Variants in MSTO1 observed in about 807,000 individuals in gnomAD.
MSTO1 encodes the protein protein misato homolog 1.
A neutral mutation model predicts 55.7 loss-of-function variants in MSTO1; 24 were observed. The observed-to-expected ratio is 0.43, with a 90% confidence interval of 0.31 to 0.61. The LOEUF (loss-of-function observed/expected upper bound fraction) is 0.61, where lower values mean the gene tolerates loss of function less well. MSTO1 is among the 20% of genes least tolerant of loss of function. The probability of loss-of-function intolerance (pLI) is 0.09; values close to 1 mark genes in which losing one functional copy is unlikely to be tolerated. For missense variants in MSTO1, 363 were observed against 625.7 expected, an observed-to-expected ratio of 0.58 and a Z score of 4.48; for synonymous variants, 162 against 252.8, an observed-to-expected ratio of 0.64 and a Z score of 3.41.
chr1:155,609,975 G>A (rs952000413), upstream of MSTO1: 4 of 473,866 alleles, frequency 8.4e-6, no homozygotes, highest in South Asian at 2.8e-5. Flanking sequence ...AGTCAGCGGC[G>A]GAGACGGCGC....
the MSTO1 span, among the ~76,000 whole-genome samples, chr1:155,593,333 C>T: frequency 6.6e-6 from 1 of 152,134 alleles, no homozygotes; most frequent in African/African-American, 2.4e-5. Context: ...GAAGGAGATA[C>T]GAAAATGAAT....
upstream of MSTO1, among the ~76,000 whole-genome samples, chr1:155,606,986 C>T (rs1672945905): frequency 6.6e-6 from 1 of 151,730 alleles, no homozygotes; most frequent in Non-Finnish European, 1.5e-5. Context: ...AGGCACGCGC[C>T]ACCTCGTCCT....
the MSTO1 span, among the ~76,000 whole-genome samples, chr1:155,589,027 G>A: frequency 6.6e-6 from 1 of 152,170 alleles, no homozygotes; most frequent in Non-Finnish European, 1.5e-5. Context: ...GCCGGGCACG[G>A]TAGCTCATGC....
chr1:155,578,504 A>T, the MSTO1 span, among the ~76,000 whole-genome samples: 13 of 138,274 alleles, frequency 9.4e-5, no homozygotes, highest in Non-Finnish European at 1.9e-4. Flanking sequence ...ACGCCCGGCT[A>T]ATCTTTTTTT....
At chr1:155,595,578 C>A in the MSTO1 span, among the ~76,000 whole-genome samples, 1 of 151,644 alleles carries the variant, frequency 6.6e-6, no homozygotes, top group African/African-American at 2.4e-5. Flanking sequence ...ACCTCCACCT[C>A]CTGGGTTCAA....
the MSTO1 span, among the ~76,000 whole-genome samples, chr1:155,571,228 G>T: frequency 1.3e-5 from 2 of 152,250 alleles, no homozygotes; most frequent in East Asian, 3.9e-4. Flanking sequence ...TGTGGCCCAT[G>T]GGCTGCATAC....
chr1:155,567,301 T>A, the MSTO1 span, among the ~76,000 whole-genome samples: 1 of 151,142 alleles, frequency 6.6e-6, no homozygotes, highest in Non-Finnish European at 1.5e-5. Context: ...TTTGGCTAAT[T>A]TTTGTAATTT....
chr1:155,584,186 G>A, the MSTO1 span, among the ~76,000 whole-genome samples: 5 of 151,928 alleles, frequency 3.3e-5, no homozygotes, highest in Admixed American at 6.6e-5. Flanking sequence ...GCAACATAGC[G>A]AGACCCTGTC....
the MSTO1 span, among the ~76,000 whole-genome samples, chr1:155,596,596 G>A: frequency 6.6e-6 from 1 of 152,064 alleles, no homozygotes. Flanking sequence ...ACTAGCCTGG[G>A]CAACATAGAG....
chr1:155,596,024 G>A, the MSTO1 span, among the ~76,000 whole-genome samples: 2 of 152,100 alleles, frequency 1.3e-5, no homozygotes, highest in African/African-American at 4.8e-5. Context: ...TTTGTGGTCT[G>A]TGCTGTAATG....
chr1:155,575,224 AAGAGAG>A, the MSTO1 span, among the ~76,000 whole-genome samples: 3 of 151,694 alleles, frequency 2.0e-5, no homozygotes, highest in East Asian at 1.9e-4. Flanking sequence ...CAAAAAAAAA[AAGAGAG>A]AGAGAGAATC....
At chr1:155,595,474 G>A in the MSTO1 span, among the ~76,000 whole-genome samples, 7 of 150,090 alleles carry the variant, frequency 4.7e-5, no homozygotes, top group South Asian at 2.1e-4. Context: ...CACCGCGCCC[G>A]GCCTCAATTT....
chr1:155,605,082 G>A, the MSTO1 span, among the ~76,000 whole-genome samples: 1 of 151,920 alleles, frequency 6.6e-6, no homozygotes. Flanking sequence ...CCAAAATGGC[G>A]AAACCCCATC....
chr1:155,576,804 A>G, the MSTO1 span, among the ~76,000 whole-genome samples: 1 of 149,482 alleles, frequency 6.7e-6, no homozygotes, highest in Non-Finnish European at 1.5e-5. Flanking sequence ...ACCTGAGGTC[A>G]GGAGATCGAG....
In MSTO1 at chr1:155,613,503, C is replaced by T. The variant is rs373970824; in HGVS notation, c.1325C>T (p.Ala442Val). Reference sequence around the variant, plus strand: ...ACACCTCCACCCTCTGCCCTTCATGCATGTACCACTGGGGAAGAAATCTTG... The same window carrying T: ...ACACCTCCACCCTCTGCCCTTCATGTATGTACCACTGGGGAAGAAATCTTG... Reference protein sequence around the residue: ...PGTPPPSALHACTTGEEILAQ... With the variant: ...PGTPPPSALHVCTTGEEILAQ... Residue 442 changes from alanine to valine, a missense_variant, in exon 12 of 14, where the codon GCA (alanine) becomes GTA (valine). Coordinates refer to ENST00000245564, the MANE Select transcript of MSTO1 (RefSeq NM_018116.4). 7.4e-6 allele frequency: 12 copies of T among 1,613,896 alleles called. No homozygotes were observed. In the African/African-American group the frequency reaches 9.3e-5, roughly 13 times the overall value.
Position 155,614,085 on chromosome 1 carries a change from G to T in MSTO1, c.1525G>T (p.Ala509Ser), listed in dbSNP as rs773438782. Residue 509 changes from alanine to serine, a missense_variant, in exon 14 of 14, where the codon GCA becomes TCA. Physicochemically the swap from Ala to Ser is moderately conservative, Grantham distance 99 (BLOSUM62 1). Transcript: ENST00000245564. ...AGTGGAGAGCATCCCAGTGTTTGGG[G>T]CACTGTGTTCCTCTTCGTCCCTGCA... ...AAVESIPVFG[A>S]LCSSSSLHQT... 8 of 1,463,866 alleles carry T rather than the reference G, an allele frequency of 5.5e-6. No individual in the cohort carries two copies. The highest frequency in any genetic ancestry group is 1.4e-5 in the South Asian group (1 of 70,854). 90.7% of individuals were successfully genotyped at this position (1,463,866 alleles called of 1,614,324 possible).
chr1:155,611,322 C>T lies in MSTO1; in HGVS notation c.366+31C>T, dbSNP rs773986253. The T allele has an allele frequency of 1.3e-5, 21 of 1,613,840 alleles. No homozygotes were observed. In the East Asian group the frequency reaches 2.2e-4, roughly 17 times the overall value. On this transcript the variant is annotated intron_variant, in intron 4 of 13. Transcript: ENST00000245564. ...GGCCTCTGTCCTGAACTTTTTAACC[C>T]GGTGCCACAACCCGAGGGTCTCCAT...
At chr1:155,597,732 A>T in the MSTO1 span, among the ~76,000 whole-genome samples, 1 of 150,268 alleles carries the variant, frequency 6.7e-6, no homozygotes, top group African/African-American at 2.5e-5. Context: ...CTGGTCTCGA[A>T]CTCCTGACCC....
At chr1:155,573,313 A>G in the MSTO1 span, among the ~76,000 whole-genome samples, 1 of 152,204 alleles carries the variant, frequency 6.6e-6, no homozygotes. Context: ...CTATAATCCC[A>G]GCACTTTGAG....
Sources: gnomAD v4.1 joint callset for allele counts (sites outside exome capture counted in the v4.1 genomes callset) on GRCh38, gnomAD v4.1.1 for gene constraint, MANE v1.5 for transcripts, NCBI Gene and HGNC (gene_info 2026-07-23, HGNC 2026-07-21) for gene names.